Variants in CDK14 observed in about 807,000 individuals in gnomAD.
The protein encoded by CDK14 is cyclin-dependent kinase 14.
Under a neutral mutation model 60.7 loss-of-function variants are expected in CDK14, and 34 were observed. The observed-to-expected ratio is 0.56, with a 90% CI of 0.43 to 0.75. The LOEUF is 0.75. Ranked by LOEUF, CDK14 falls within the 30% of genes least tolerant of loss-of-function variation. The probability of loss-of-function intolerance (pLI) is 0.00; values close to 1 mark genes in which losing one functional copy is unlikely to be tolerated. For synonymous variants in CDK14, 197 were observed against 203.7 expected (o/e 0.97, Z 0.28); for missense variants, 482 against 564.1 (o/e 0.85, Z 1.47).
chr7:90,896,923 G>A (rs892515320), intron 6 of CDK14, among the ~76,000 whole-genome samples: 8 of 152,080 alleles, frequency 5.3e-5, no homozygotes, highest in African/African-American at 1.9e-4. Flanking sequence ...TTTGTGAGTA[G>A]GCCATTTGTG....
At chr7:90,733,500 C>T (rs554075637) in intron 3 of CDK14, among the ~76,000 whole-genome samples, 44 of 152,318 alleles carry the variant, frequency 2.9e-4, no homozygotes, top group African/African-American at 7.7e-4. Flanking sequence ...AATCAGGGTG[C>T]TCCTGTATTG....
chr7:90,638,277 C>A (rs1800211247), intron 2 of CDK14, among the ~76,000 whole-genome samples: 1 of 152,144 alleles, frequency 6.6e-6, no homozygotes, highest in African/African-American at 2.4e-5. Flanking sequence ...ACTGGTTGTG[C>A]CTTTCCATGT....
intron 5 of CDK14, among the ~76,000 whole-genome samples, chr7:90,816,445 C>T (rs924953073): frequency 2.0e-5 from 3 of 152,164 alleles, no homozygotes; most frequent in Non-Finnish European, 4.4e-5. Flanking sequence ...GTTTCTAGGA[C>T]TTATTTTCTT....
At chr7:90,711,449 C>T (rs60556005) in intron 2 of CDK14, among the ~76,000 whole-genome samples, 25,928 of 151,084 alleles carry the variant, frequency 0.17, 2,400 homozygotes, top group African/African-American at 0.22. Flanking sequence ...TTTAGCTATT[C>T]ATATTTTTAC....
chr7:90,684,574 T>C (rs1465298525), intron 2 of CDK14, among the ~76,000 whole-genome samples: 1 of 152,194 alleles, frequency 6.6e-6, no homozygotes, highest in Non-Finnish European at 1.5e-5. Flanking sequence ...CAGAGAAGTG[T>C]CACTTCCTCT....
At chr7:91,045,783 G>GA (rs545336958) in intron 10 of CDK14, 114 bp from the exon 11 acceptor site, 703 of 632,466 alleles carry the variant, frequency 1.1e-3, no homozygotes, top group South Asian at 2.0e-3. Flanking sequence ...TACGATAATG[G>GA]AAAAAAAAAT....
intron 11 of CDK14, among the ~76,000 whole-genome samples, chr7:91,055,474 G>GA (rs1285946778): frequency 2.0e-5 from 3 of 151,944 alleles, no homozygotes; most frequent in Non-Finnish European, 4.4e-5. Flanking sequence ...GAAAATGCCA[G>GA]AAAAAAAAGT....
intron 1 of CDK14, among the ~76,000 whole-genome samples, chr7:90,600,229 C>CT (rs912009211): frequency 7.2e-5 from 11 of 152,058 alleles, no homozygotes; most frequent in East Asian, 1.9e-4. Context: ...TTGTCTCACA[C>CT]TTTTTTTTAA....
chr7:91,190,128 A>G (rs1037847432), intron 14 of CDK14, among the ~76,000 whole-genome samples: 6 of 152,240 alleles, frequency 3.9e-5, no homozygotes, highest in Admixed American at 6.5e-5. Flanking sequence ...TGGATATAAC[A>G]GACCTTTATT....
chr7:90,887,463 C>T (rs1488129470), intron 6 of CDK14, among the ~76,000 whole-genome samples: 1 of 152,076 alleles, frequency 6.6e-6, no homozygotes, highest in Non-Finnish European at 1.5e-5. Flanking sequence ...CATTGTTTAC[C>T]ATTACTTTCT....
intron 8 of CDK14, among the ~76,000 whole-genome samples, chr7:90,933,364 T>C (rs1219435819): frequency 6.6e-6 from 1 of 152,020 alleles, no homozygotes; most frequent in African/African-American, 2.4e-5. Flanking sequence ...GTATTGATAA[T>C]GATGATGATT....
At chr7:90,702,371 T>A (rs1272851412) in intron 2 of CDK14, among the ~76,000 whole-genome samples, 1 of 152,188 alleles carries the variant, frequency 6.6e-6, no homozygotes, top group Non-Finnish European at 1.5e-5. Flanking sequence ...TGCATGTTTG[T>A]AGTGAACCTG....
intron 5 of CDK14, among the ~76,000 whole-genome samples, chr7:90,859,383 CAGTT>C (rs1296589916): frequency 3.9e-5 from 6 of 152,192 alleles, no homozygotes; most frequent in Admixed American, 6.5e-5. Flanking sequence ...GTAATACTGA[CAGTT>C]AGTGTACTAC....
At chr7:90,740,262 T>TAG (rs1291734036) in intron 3 of CDK14, among the ~76,000 whole-genome samples, 1 of 112,410 alleles carries the variant, frequency 8.9e-6, no homozygotes, top group East Asian at 2.9e-4. Flanking sequence ...TGTATATATA[T>TAG]ATATATATAG....
At chr7:90,775,225 A>G (rs578200812) in intron 4 of CDK14, among the ~76,000 whole-genome samples, 31 of 152,342 alleles carry the variant, frequency 2.0e-4, no homozygotes, top group African/African-American at 7.5e-4. Context: ...GCTTTTCTTT[A>G]ATCCTAGCTC....
intron 14 of CDK14, among the ~76,000 whole-genome samples, chr7:91,175,171 G>T (rs1801684810): frequency 6.6e-6 from 1 of 151,438 alleles, no homozygotes; most frequent in African/African-American, 2.4e-5. Flanking sequence ...TTAAAGAAAA[G>T]AATTTTCAAC....
chr7:90,840,907 TGACA>T (rs1790266624), intron 5 of CDK14, among the ~76,000 whole-genome samples: 1 of 12,656 alleles, frequency 7.9e-5, no homozygotes, highest in Non-Finnish European at 1.5e-4. Flanking sequence ...ACTTTTTCAT[TGACA>T]TTGTGTCTGT....
intron 12 of CDK14, among the ~76,000 whole-genome samples, chr7:91,108,962 G>A (rs1198755935): frequency 6.6e-6 from 1 of 152,186 alleles, no homozygotes; most frequent in African/African-American, 2.4e-5. Flanking sequence ...TGTTTGTGTT[G>A]TTTAGGACAT....
Position 91,179,922 on chromosome 7 carries a change from T to G in CDK14, c.*29-27243T>G, listed in dbSNP as rs376548692. Among the ~76,000 whole-genome samples the G allele has an allele frequency of 4.9e-4, 75 of 152,380 alleles. No homozygotes were observed. In the South Asian group the frequency reaches 0.015, roughly 30 times the overall value. Reference sequence around the variant, plus strand: ...AATGATTCAATCCAGAAGAAAATCTTAAATGTTTTTAATCTTATTAGGAAT... The same window carrying G: ...AATGATTCAATCCAGAAGAAAATCTGAAATGTTTTTAATCTTATTAGGAAT... On this transcript the variant is annotated intron_variant, in intron 14 of 14. Coordinates refer to ENST00000380050, the MANE Select transcript of CDK14 (RefSeq NM_001287135.2).
Sources: gnomAD v4.1 joint callset for allele counts (sites outside exome capture counted in the v4.1 genomes callset) on GRCh38, gnomAD v4.1.1 for gene constraint, MANE v1.5 for transcripts, NCBI Gene and HGNC (gene_info 2026-07-23, HGNC 2026-07-21) for gene names.